SCGB2B2: variants seen among roughly 807,000 people sequenced by gnomAD.
The protein encoded by SCGB2B2 is secretoglobin family 2B member 2.
A neutral mutation model predicts 7.6 loss-of-function variants in SCGB2B2; 11 were observed. The observed-to-expected ratio is 1.45, with a 90% CI of 0.91 to 2.40. The LOEUF (loss-of-function observed/expected upper bound fraction) is 2.40. Among genes scored for constraint, SCGB2B2 ranks in the 30% most tolerant of loss-of-function variants. The probability of loss-of-function intolerance (pLI) is 0.00; values close to 1 mark genes in which losing one functional copy is unlikely to be tolerated. For synonymous variants in SCGB2B2, 50 were observed against 48.6 expected (o/e 1.03, Z -0.12); for missense variants, 104 against 115.4 (o/e 0.90, Z 0.45).
chr19:34,589,412 G>A (rs2065249287), downstream of SCGB2B2, among the ~76,000 whole-genome samples: 1 of 152,158 alleles, frequency 6.6e-6, no homozygotes, highest in Admixed American at 6.5e-5. Context: ...GGAGTCCTGG[G>A]AGGCCCCTGG....
rs1407778904 is a variant in SCGB2B2, at chr19:34,590,682, A to G, written c.*2873T>C. Among the ~76,000 whole-genome samples the G allele has an allele frequency of 6.6e-6, 1 of 152,228 alleles. No homozygotes were observed. The highest frequency in any genetic ancestry group is 1.5e-5 in the Non-Finnish European group (1 of 68,038). ...ACAAGTAGGGAATATAATTCCTTAT[A>G]CCAACAATACAGAGATCATCACATA... On this transcript the variant is annotated 3_prime_UTR_variant, in exon 4 of 4. Coordinates refer to ENST00000601241, the MANE Select transcript of SCGB2B2 (RefSeq NM_001025591.4).
downstream of SCGB2B2, among the ~76,000 whole-genome samples, chr19:34,590,353 TCATCCATC>T (rs144099847): frequency 8.2e-4 from 124 of 150,340 alleles, no homozygotes; most frequent in African/African-American, 2.8e-3. Context: ...CATGCACTCA[TCATCCATC>T]CATCCATCCA....
At chr19:34,586,598 T>C (rs10424344), downstream of SCGB2B2, among the ~76,000 whole-genome samples, 3,752 of 152,310 alleles carry the variant, frequency 0.025, 137 homozygotes, top group African/African-American at 0.085. Context: ...GTTTATACCT[T>C]TTTTGAATGT....
Position 34,594,740 on chromosome 19 carries a change from C to A in SCGB2B2, c.-177G>T. The A allele has an allele frequency of 1.5e-6, 1 of 652,830 alleles. No homozygotes were observed. Among genetic ancestry groups the A allele is most frequent in the East Asian group, 2.8e-5 (1 of 36,114 alleles). The allele number at this position is 652,830 out of a possible 1,614,324, so 40.4% of individuals were successfully genotyped here. A position where few individuals can be genotyped will look rare whatever the true frequency, so the allele number is the denominator to read the frequency against. The stretch of plus-strand genomic sequence containing the variant: ...GGCAGGTCTGCAGAGAGACCCTCGG[C>A]CCTGGGCCATGCTGTTGGGGTGGCA... On this transcript the variant is annotated 5_prime_UTR_variant, in exon 2 of 4. Transcript: ENST00000601241.
chr19:34,659,768 C>G (rs2067398141), intron 1 of SCGB2B2, among the ~76,000 whole-genome samples: 1 of 152,148 alleles, frequency 6.6e-6, no homozygotes, highest in African/African-American at 2.4e-5. Flanking sequence ...TGACTTTCTT[C>G]ACAGAATTGG....
chr19:34,612,166 G>A (rs1261534971), intron 1 of SCGB2B2, among the ~76,000 whole-genome samples: 1 of 150,240 alleles, frequency 6.7e-6, no homozygotes, highest in Non-Finnish European at 1.5e-5. Flanking sequence ...AGCCTCCCAA[G>A]TAGCTGGGCC....
downstream of SCGB2B2, among the ~76,000 whole-genome samples, chr19:34,589,005 C>G (rs1363393523): frequency 6.6e-6 from 1 of 152,130 alleles, no homozygotes. Flanking sequence ...AGGCTGGGTC[C>G]TGCCTATTGT....
intron 1 of SCGB2B2, among the ~76,000 whole-genome samples, 173 bp downstream of exon 1, chr19:34,675,457 G>A (rs1413392010): frequency 1.3e-5 from 2 of 152,176 alleles, no homozygotes; most frequent in African/African-American, 4.8e-5. Flanking sequence ...TAGGGCCTGG[G>A]TAAAATGAGG....
At chr19:34,640,798 C>T (rs1161217084) in intron 1 of SCGB2B2, 1 of 152,006 alleles carries the variant, frequency 6.6e-6, no homozygotes. Flanking sequence ...GTTACTATGA[C>T]TTACAGTACC....
At chr19:34,615,509 T>C (rs1439885527) in intron 1 of SCGB2B2, among the ~76,000 whole-genome samples, 1 of 152,038 alleles carries the variant, frequency 6.6e-6, no homozygotes, top group East Asian at 1.9e-4. Context: ...TCTGTGACTT[T>C]TCTGATGCAT....
At position 34,594,596 on chromosome 19, in the gene SCGB2B2, AG is replaced by A. The variant is rs762964258; in HGVS notation, c.-34del. 2.2e-5 allele frequency: 35 copies of A among 1,603,136 alleles called. No individual in the cohort carries two copies. Among genetic ancestry groups the A allele is most frequent in the Non-Finnish European group, 2.9e-5 (34 of 1,171,968 alleles). ...GAGTCTGGTCCCAGCAGGCACAGGCAGGGAATTTGGCGATGGGTGAGCTTTA... is the reference window on the plus strand; with the variant it reads ...GAGTCTGGTCCCAGCAGGCACAGGCAGGAATTTGGCGATGGGTGAGCTTTA... On this transcript the variant is annotated 5_prime_UTR_variant, in exon 2 of 4. Coordinates refer to ENST00000601241, the MANE Select transcript of SCGB2B2 (RefSeq NM_001025591.4).
intron 1 of SCGB2B2, chr19:34,645,696 T>G (rs1320553610): frequency 4.7e-6 from 2 of 425,936 alleles, no homozygotes; most frequent in Non-Finnish European, 9.6e-6. Flanking sequence ...GCTCTTCTGC[T>G]GGCTCTAATC....
intron 1 of SCGB2B2, chr19:34,645,348 C>T (rs1383657640): frequency 1.3e-5 from 2 of 154,722 alleles, no homozygotes; most frequent in East Asian, 3.8e-4. Context: ...GTTCCCAATC[C>T]CAGGACACTC....
chr19:34,606,510 TC>T (rs1287850990), intron 1 of SCGB2B2, among the ~76,000 whole-genome samples: 9 of 127,514 alleles, frequency 7.1e-5, no homozygotes, highest in African/African-American at 8.0e-5. Context: ...GTTTTTCTTT[TC>T]TTTTTCTTTT....
In SCGB2B2 at chr19:34,591,440, C is replaced by A. The variant is rs1392101291; in HGVS notation, c.*2115G>T. On this transcript the variant is annotated 3_prime_UTR_variant, in exon 4 of 4. Coordinates refer to ENST00000601241, the MANE Select transcript of SCGB2B2 (RefSeq NM_001025591.4). The stretch of plus-strand genomic sequence containing the variant: ...CTGCACTGTGACAAGGCCACGGTGT[C>A]TACCTGGACGGCCACAGGGACTCCC... Among the ~76,000 whole-genome samples the A allele has an allele frequency of 6.6e-6, 1 of 152,220 alleles. No individual in the cohort carries two copies. Among genetic ancestry groups the A allele is most frequent in the African/African-American group, 2.4e-5 (1 of 41,462 alleles).
At chr19:34,643,501 G>A (rs1272163941) in intron 1 of SCGB2B2, among the ~76,000 whole-genome samples, 3 of 152,152 alleles carry the variant, frequency 2.0e-5, no homozygotes, top group East Asian at 1.9e-4. Context: ...TCCATCATTC[G>A]ATAGCAGAAT....
At chr19:34,604,516 A>T (rs970938346) in intron 1 of SCGB2B2, among the ~76,000 whole-genome samples, 5 of 152,370 alleles carry the variant, frequency 3.3e-5, no homozygotes, top group Non-Finnish European at 7.3e-5. Context: ...AAACTACAGC[A>T]CATGAGTGAT....
intron 1 of SCGB2B2, among the ~76,000 whole-genome samples, chr19:34,669,591 C>G (rs1017344464): frequency 2.6e-4 from 40 of 152,240 alleles, no homozygotes; most frequent in African/African-American, 8.9e-4. Flanking sequence ...AGGGAGGACA[C>G]AGGATGTCAC....
intron 2 of SCGB2B2, 26 bp from the exon 3 acceptor site, chr19:34,594,385 A>G: frequency 1.2e-6 from 2 of 1,611,010 alleles, no homozygotes; most frequent in Non-Finnish European, 1.7e-6. Context: ...TGAGATAAGA[A>G]AACAGAGGAG....
Sources: allele counts gnomAD v4.1 joint callset (sites outside exome capture counted in the v4.1 genomes callset), GRCh38; gene constraint gnomAD v4.1.1; transcripts MANE v1.5; gene names NCBI Gene and HGNC (gene_info 2026-07-23, HGNC 2026-07-21).